The following CTNNAL1 variants were observed in gnomAD, a reference collection of about 807,000 sequenced individuals.
CTNNAL1 encodes alpha-catulin.
CTNNAL1 carries 69 observed loss-of-function variants against 93.6 expected under a neutral mutation model. The observed-to-expected ratio is 0.74, with a 90% CI of 0.61 to 0.90. The LOEUF (loss-of-function observed/expected upper bound fraction) is 0.90. Ranked by LOEUF, CTNNAL1 falls within the 40% of genes least tolerant of loss-of-function variation. CTNNAL1 has a pLI of 0.00. For missense variants in CTNNAL1, 836 were observed against 862.0 expected, an observed-to-expected ratio of 0.97 and a Z score of 0.38; for synonymous variants, 286 against 305.4, an observed-to-expected ratio of 0.94 and a Z score of 0.66.
intron 7 of CTNNAL1, among the ~76,000 whole-genome samples, chr9:108,978,426 C>T (rs977175634): frequency 2.6e-5 from 4 of 152,168 alleles, no homozygotes; most frequent in South Asian, 2.1e-4. Flanking sequence ...CATATCCACC[C>T]TCCTTCATCA....
At chr9:108,972,865 A>ACCCCG in intron 8 of CTNNAL1, 32 bp from the exon 9 acceptor site, 7 of 219,272 alleles carry the variant, frequency 3.2e-5, no homozygotes, top group African/African-American at 7.2e-5. Context: ...GGGGGGTGGG[A>ACCCCG]GGGTGGAGAA....
chr9:109,006,958 C>A (rs1827046892), intron 1 of CTNNAL1, among the ~76,000 whole-genome samples: 1 of 152,200 alleles, frequency 6.6e-6, no homozygotes, highest in Admixed American at 6.5e-5. Context: ...GCAGATCACA[C>A]CTGTAATCCC....
chr9:108,972,864 G>GGGTGCCCCCC, intron 8 of CTNNAL1, 31 bp from the exon 9 acceptor site: 1 of 142,590 alleles, frequency 7.0e-6, no homozygotes, highest in Non-Finnish European at 1.0e-5. Context: ...GGGGGGGTGG[G>GGGTGCCCCCC]AGGGTGGAGA....
Position 109,001,190 on chromosome 9 carries a change from A to AT in CTNNAL1, c.142-1935_142-1934insA, listed in dbSNP as rs1322324016. Among the ~76,000 whole-genome samples, 8 of 151,424 alleles carry AT rather than the reference A, an allele frequency of 5.3e-5. No individual in the cohort carries two copies. The South Asian group carries it at 8.3e-4, about 16-fold the overall frequency. On this transcript the variant is annotated intron_variant, in intron 1 of 18. Transcript: ENST00000325551. ...CCATCTCCAAAAAAAAAAAAAAAAA[A>AT]AAAGAACTTATATTTTATTCTATGT...
chr9:108,992,130 A>C (rs371803442), intron 3 of CTNNAL1: 6 of 729,296 alleles, frequency 8.2e-6, no homozygotes, highest in African/African-American at 5.2e-5. Flanking sequence ...GGTTTCTGCT[A>C]CATACATTAT....
At chr9:108,948,531 A>G (rs1830470375) in intron 14 of CTNNAL1, among the ~76,000 whole-genome samples, 1 of 152,188 alleles carries the variant, frequency 6.6e-6, no homozygotes, top group African/African-American at 2.4e-5. Flanking sequence ...TACTTCATAA[A>G]TTAAATATGT....
chr9:108,972,864 G>GGAA, intron 8 of CTNNAL1, 31 bp from the exon 9 acceptor site: 4 of 142,590 alleles, frequency 2.8e-5, no homozygotes, highest in South Asian at 2.4e-4. Context: ...GGGGGGGTGG[G>GGAA]AGGGTGGAGA....
At chr9:109,013,114 T>G (rs1827258637) in intron 1 of CTNNAL1, among the ~76,000 whole-genome samples, 188 bp downstream of exon 1, 1 of 152,048 alleles carries the variant, frequency 6.6e-6, no homozygotes, top group African/African-American at 2.4e-5. Context: ...GAGTTTGGAT[T>G]ATCCAGTCTC....
At position 108,943,558 on chromosome 9, in the gene CTNNAL1, G is replaced by A. The variant is rs1830309824; in HGVS notation, c.2055+145C>T. The A allele has an allele frequency of 3.0e-6, 2 of 662,144 alleles. 1 individual carries two copies. Among genetic ancestry groups the A allele is most frequent in the South Asian group, 4.4e-5 (2 of 45,824 alleles). The allele number at this position is 662,144 out of a possible 1,614,324, so 41.0% of individuals were successfully genotyped here. ...CTACTCTCTGGGGTCAGTTATGAGA[G>A]TAGATAATAAATGATTCTTGTAGAC... On this transcript the variant is annotated intron_variant, in intron 17 of 18. Transcript: ENST00000325551.
chr9:108,956,223 A>G (rs1054895292), intron 11 of CTNNAL1, among the ~76,000 whole-genome samples: 1 of 152,254 alleles, frequency 6.6e-6, no homozygotes, highest in Admixed American at 6.5e-5. Context: ...TGCAAGTACC[A>G]GACCAAATAA....
chr9:108,946,865 G>A (rs890864735), intron 15 of CTNNAL1, among the ~76,000 whole-genome samples: 1 of 151,954 alleles, frequency 6.6e-6, no homozygotes, highest in South Asian at 2.1e-4. Flanking sequence ...TGGATCTTTT[G>A]TAGTAAAACA....
At chr9:108,957,547 C>T (rs371170265) in intron 11 of CTNNAL1, among the ~76,000 whole-genome samples, 4 of 152,076 alleles carry the variant, frequency 2.6e-5, no homozygotes, top group African/African-American at 9.7e-5. Context: ...CAAATCATTT[C>T]CTTGTAATGT....
In CTNNAL1 at chr9:108,942,816, C is replaced by G. The variant is rs747584450; in HGVS notation, c.2158G>C (p.Gly720Arg). 3 of 1,613,544 alleles carry G rather than the reference C, an allele frequency of 1.9e-6. No homozygotes were observed. The highest frequency in any genetic ancestry group is 1.7e-6 in the Non-Finnish European group (2 of 1,179,752). Reference protein sequence around the residue: ...LLKKLQMENNGWVSVTNKDTM... With the variant: ...LLKKLQMENNRWVSVTNKDTM... ...TCCTTATTTGTAACTGAGACCCATC[C>G]GTTATTTTCCATCTGAAGCTGGAAA... The change falls in exon 19 of 19, where the codon GGA becomes CGA. Residue 720 changes from glycine to arginine, a missense_variant. Gly to Arg is a moderately radical substitution (Grantham distance 125). Coordinates refer to ENST00000325551, the MANE Select transcript of CTNNAL1 (RefSeq NM_003798.4).
intron 1 of CTNNAL1, among the ~76,000 whole-genome samples, chr9:109,012,030 C>T (rs539047623): frequency 2.4e-4 from 37 of 152,274 alleles, no homozygotes; most frequent in African/African-American, 7.5e-4. Flanking sequence ...ACTGAGGGAT[C>T]CCAGTGCCCC....
intron 8 of CTNNAL1, among the ~76,000 whole-genome samples, chr9:108,974,205 T>G (rs1198702828): frequency 6.6e-6 from 1 of 152,190 alleles, no homozygotes; most frequent in Non-Finnish European, 1.5e-5. Flanking sequence ...GAGGTTGACA[T>G]GGATATACCC....
chr9:108,964,283 A>G (rs1830894916), intron 11 of CTNNAL1, among the ~76,000 whole-genome samples: 1 of 152,222 alleles, frequency 6.6e-6, no homozygotes. Context: ...AAGCAAATTA[A>G]CATTTATCCT....
chr9:108,942,855 T>C (rs745705045), intron 18 of CTNNAL1, 21 bp from the exon 19 acceptor site: 1 of 1,613,224 alleles, frequency 6.2e-7, no homozygotes. Context: ...TTAAGACAAT[T>C]AGTATCTGGT....
intron 11 of CTNNAL1, among the ~76,000 whole-genome samples, chr9:108,963,983 T>C (rs1830886750): frequency 2.0e-5 from 3 of 152,316 alleles, no homozygotes; most frequent in African/African-American, 7.2e-5. Flanking sequence ...TACTCCAGGA[T>C]AACCCACACC....
intron 1 of CTNNAL1, among the ~76,000 whole-genome samples, chr9:109,010,190 C>A (rs1157366248): frequency 1.3e-5 from 2 of 152,110 alleles, no homozygotes; most frequent in African/African-American, 2.4e-5. Context: ...CAGGCACCAG[C>A]CAGTGCGCCT....
Sources: gnomAD v4.1 joint callset for allele counts (sites outside exome capture counted in the v4.1 genomes callset) on GRCh38, gnomAD v4.1.1 for gene constraint, MANE v1.5 for transcripts, NCBI Gene and HGNC (gene_info 2026-07-23, HGNC 2026-07-21) for gene names.